DNMT3B: variants seen among roughly 807,000 people sequenced by gnomAD.
DNMT3B encodes the protein DNA (cytosine-5)-methyltransferase 3B.
A neutral mutation model predicts 120.2 loss-of-function variants in DNMT3B; 37 were observed. The ratio of observed to expected loss-of-function variants is 0.31; its 90% CI spans 0.24 to 0.40. The LOEUF is 0.40. Among genes scored for constraint, DNMT3B ranks in the 10% least tolerant of loss-of-function variants. The probability of loss-of-function intolerance (pLI) is 1.00; values close to 1 mark genes in which losing one functional copy is unlikely to be tolerated. For missense variants in DNMT3B, 878 were observed against 1,137.3 expected (o/e 0.77, Z 3.28); for synonymous variants, 412 against 442.8 (o/e 0.93, Z 0.87).
chr20:32,797,779 C>G (rs1222639425), intron 14 of DNMT3B, among the ~76,000 whole-genome samples: 1 of 152,076 alleles, frequency 6.6e-6, no homozygotes. Flanking sequence ...CGTGCCTCAG[C>G]CTCCCAAGTA....
intron 21 of DNMT3B, 30 bp from the exon 22 acceptor site, chr20:32,806,179 C>G (rs894299375): frequency 1.2e-6 from 2 of 1,603,168 alleles, no homozygotes; most frequent in Non-Finnish European, 1.7e-6. Context: ...TCATTCTGTG[C>G]TCACTCCATG....
At position 32,799,131 on chromosome 20, in the gene DNMT3B, A is replaced by C. The variant is rs1973100949; in HGVS notation, c.1675-113A>C. 4 of 1,167,638 alleles carry C rather than the reference A, an allele frequency of 3.4e-6. No homozygotes were observed. The African/African-American group carries it at 4.6e-5, about 13-fold the overall frequency. The allele number at this position is 1,167,638 out of a possible 1,614,324, so 72.3% of individuals were successfully genotyped here. ...ATCAAGCCTTCAGTGGGCTTTTTGC[A>C]GTGGCTACGGCAAGGTTTGAAGCCC... On this transcript the variant is annotated intron_variant, in intron 15 of 22. Coordinates refer to ENST00000328111, the MANE Select transcript of DNMT3B (RefSeq NM_006892.4).
At chr20:32,766,127 T>G (rs984668996) in intron 1 of DNMT3B, among the ~76,000 whole-genome samples, 2 of 152,098 alleles carry the variant, frequency 1.3e-5, no homozygotes, top group Non-Finnish European at 2.9e-5. Context: ...GAGGATCACT[T>G]AAGGCCAGGA....
Position 32,802,371 on chromosome 20 carries a change from C to A in DNMT3B, c.2146-14C>A. ...ATAATAGGCTCCTAACAGTAACCTT[C>A]TTTCTCCCCACAGTGTAATCCAGTG... is the stretch of plus-strand genomic sequence containing the variant. On this transcript the variant is annotated splice_polypyrimidine_tract_variant and intron_variant, in intron 19 of 22. Transcript: ENST00000328111. 1 of 1,614,036 alleles carries A rather than the reference C, an allele frequency of 6.2e-7. No individual in the cohort carries two copies. Among genetic ancestry groups the A allele is most frequent in the African/African-American group, 1.3e-5 (1 of 75,054 alleles).
In DNMT3B at chr20:32,791,640, C is replaced by T; in HGVS notation, c.853C>T (p.Gln285Ter). 6.2e-7 allele frequency: 1 copy of T among 1,614,134 alleles called. No homozygotes were observed. Among genetic ancestry groups the T allele is most frequent in the Non-Finnish European group, 8.5e-7 (1 of 1,180,002 alleles). Residue 285 changes from glutamine to a stop codon, truncating the protein, a stop_gained, in exon 8 of 23, where the codon CAG becomes TAG. Coordinates refer to ENST00000328111, the MANE Select transcript of DNMT3B (RefSeq NM_006892.4). LOFTEE classifies it high-confidence loss of function. ...ACTGGTGGCACTGGGGCTGTTCAGCCAGCACTTTAATTTGGCCACCTTCAA... is the reference window on the plus strand; with the variant it reads ...ACTGGTGGCACTGGGGCTGTTCAGCTAGCACTTTAATTTGGCCACCTTCAA... ...DKLVALGLFS[Q>*]HFNLATFNKL...
chr20:32,775,602 C>G (rs969271131), intron 1 of DNMT3B, among the ~76,000 whole-genome samples: 3 of 152,230 alleles, frequency 2.0e-5, no homozygotes, highest in African/African-American at 7.2e-5. Flanking sequence ...CACTGCTGCC[C>G]ACTCTGAATC....
intron 10 of DNMT3B, among the ~76,000 whole-genome samples, chr20:32,794,827 T>G (rs905626291): frequency 1.3e-5 from 2 of 152,254 alleles, no homozygotes; most frequent in East Asian, 3.8e-4. Context: ...GATCTCAATT[T>G]TGATGCTAAA....
rs768390177 is a variant in DNMT3B at position 32,802,481 on chromosome 20, G to C, written c.2231+11G>C. 15 of 1,613,748 alleles carry C rather than the reference G, an allele frequency of 9.3e-6. No individual in the cohort carries two copies. The highest frequency in any genetic ancestry group is 1.2e-5 in the Non-Finnish European group (14 of 1,179,726). On this transcript the variant is annotated intron_variant, in intron 20 of 22. Transcript: ENST00000328111. ...ACCCGGGATGAACAGGTAACAAAGG[G>C]CTCTTAGTGGGTCAGGTAACAGCCA... is the stretch of plus-strand genomic sequence containing the variant.
rs1242177818 is a variant in DNMT3B at position 32,791,630 on chromosome 20, G to C, written c.843G>C (p.Gly281=). ...CTGCAGACAAACTGGTGGCACTGGG[G>C]CTGTTCAGCCAGCACTTTAATTTGG... The part of the protein sequence containing the change: ...EVSADKLVAL[G]LFSQHFNLAT... The change falls in exon 8 of 23, where the codon GGG becomes GGC. Residue 281 remains glycine, a synonymous_variant. Transcript: ENST00000328111. The C allele has an allele frequency of 2.5e-6, 4 of 1,614,148 alleles. No individual in the cohort carries two copies. Among genetic ancestry groups the C allele is most frequent in the Non-Finnish European group, 3.4e-6 (4 of 1,179,992 alleles).
At chr20:32,804,929 A>G (rs561497925) in intron 20 of DNMT3B, among the ~76,000 whole-genome samples, 49 of 152,204 alleles carry the variant, frequency 3.2e-4, no homozygotes, top group South Asian at 2.5e-3. Context: ...GTGATATGAT[A>G]ATTGTATCAG....
At chr20:32,800,408 GA>G in intron 17 of DNMT3B, 110 bp downstream of exon 17, 1 of 1,488,156 alleles carries the variant, frequency 6.7e-7, no homozygotes, top group East Asian at 2.3e-5. Flanking sequence ...CAGAAAAAAG[GA>G]TTGAAATCCT....
At chr20:32,781,453 T>C (rs1309224437) in intron 3 of DNMT3B, 39 bp downstream of exon 3, 1 of 1,612,366 alleles carries the variant, frequency 6.2e-7, no homozygotes, top group East Asian at 2.2e-5. Context: ...GCTCAGGGAC[T>C]TTGTCTTTGG....
intron 22 of DNMT3B, among the ~76,000 whole-genome samples, chr20:32,807,365 T>G (rs1325741103): frequency 6.6e-6 from 1 of 152,196 alleles, no homozygotes; most frequent in African/African-American, 2.4e-5. Context: ...AAACTCTGGT[T>G]GCCTGAGCCT....
At chr20:32,785,966 C>T (rs564371485) in intron 4 of DNMT3B, among the ~76,000 whole-genome samples, 1 of 152,146 alleles carries the variant, frequency 6.6e-6, no homozygotes, top group East Asian at 1.9e-4. Context: ...ACACTGCAAC[C>T]TCTGCCTCCC....
intron 22 of DNMT3B, among the ~76,000 whole-genome samples, chr20:32,807,516 G>A (rs955992175): frequency 2.6e-5 from 4 of 152,140 alleles, no homozygotes; most frequent in Non-Finnish European, 5.9e-5. Flanking sequence ...ATTCTAGGAA[G>A]GTCCTCTGAG....
intron 1 of DNMT3B, among the ~76,000 whole-genome samples, chr20:32,772,272 A>G (rs1282176240): frequency 6.6e-6 from 1 of 152,200 alleles, no homozygotes; most frequent in Non-Finnish European, 1.5e-5. Context: ...TAGATGACAC[A>G]GTGAAGATTA....
chr20:32,803,697 A>C (rs1388527334), intron 20 of DNMT3B, among the ~76,000 whole-genome samples: 1 of 152,140 alleles, frequency 6.6e-6, no homozygotes, highest in Non-Finnish European at 1.5e-5. Flanking sequence ...AAGTGAAGGG[A>C]TGGACCCATG....
At chr20:32,788,681 C>A (rs1190018576) in intron 6 of DNMT3B, among the ~76,000 whole-genome samples, 173 bp from the exon 7 acceptor site, 2 of 152,114 alleles carry the variant, frequency 1.3e-5, no homozygotes, top group African/African-American at 4.8e-5. Flanking sequence ...CAAGCGATCC[C>A]CCTGCCTCGG....
intron 1 of DNMT3B, among the ~76,000 whole-genome samples, chr20:32,764,651 G>T (rs1298918031): frequency 2.0e-5 from 3 of 152,112 alleles, no homozygotes; most frequent in African/African-American, 4.8e-5. Context: ...TCCCGGCCAC[G>T]CATGGGGGCC....
Sources: allele counts gnomAD v4.1 joint callset (sites outside exome capture counted in the v4.1 genomes callset), GRCh38; gene constraint gnomAD v4.1.1; transcripts MANE v1.5; gene names NCBI Gene and HGNC (gene_info 2026-07-23, HGNC 2026-07-21).